Variants in DSG2 observed in about 807,000 individuals in gnomAD.
DSG2 encodes desmoglein-2.
In DSG2, 45 loss-of-function variants were observed where a neutral mutation model predicts 75.6. The ratio of observed to expected loss-of-function variants is 0.60; its 90% CI spans 0.47 to 0.76. DSG2 has a LOEUF of 0.76. Ranked by LOEUF, DSG2 falls within the 30% of genes least tolerant of loss-of-function variation. DSG2 has a pLI of 0.00. For synonymous variants in DSG2, 429 were observed against 483.9 expected (o/e 0.89, Z 1.49); for missense variants, 1,267 against 1,357.4 (o/e 0.93, Z 1.05).
At chr18:31,528,709 CAA>C (rs561370463) in intron 8 of DSG2, among the ~76,000 whole-genome samples, 23 of 74,772 alleles carry the variant, frequency 3.1e-4, no homozygotes, top group Admixed American at 3.1e-4. Flanking sequence ...GACTCCATCT[CAA>C]AAAAAAAAAA....
At chr18:31,500,633 G>A (rs2073008952) in intron 1 of DSG2, among the ~76,000 whole-genome samples, 1 of 152,060 alleles carries the variant, frequency 6.6e-6, no homozygotes, top group African/African-American at 2.4e-5. Context: ...CATTCAGAAC[G>A]AAGCCTGCAG....
At position 31,546,880 on chromosome 18, in the gene DSG2, C is replaced by G; in HGVS notation, c.*137C>G. 1.1e-6 allele frequency: 1 copy of G among 914,524 alleles called. No individual in the cohort carries two copies. The highest frequency in any genetic ancestry group is 1.8e-6 in the Non-Finnish European group (1 of 564,570). 56.7% of individuals were successfully genotyped at this position (914,524 alleles called of 1,614,324 possible). A position where few individuals can be genotyped will look rare whatever the true frequency, so the allele number is the denominator to read the frequency against. Reference sequence around the variant, plus strand: ...TTGATCTTAAAATTTTTCTCAGTCACTGATATGCAAAGGACCACACTGTCT... The same window carrying G: ...TTGATCTTAAAATTTTTCTCAGTCAGTGATATGCAAAGGACCACACTGTCT... On this transcript the variant is annotated 3_prime_UTR_variant, in exon 15 of 15. Coordinates refer to ENST00000261590, the MANE Select transcript of DSG2 (RefSeq NM_001943.5).
intron 1 of DSG2, among the ~76,000 whole-genome samples, chr18:31,503,519 C>T (rs1203801838): frequency 6.6e-6 from 1 of 152,096 alleles, no homozygotes; most frequent in Non-Finnish European, 1.5e-5. Context: ...GCCTTCAAGC[C>T]AACAGAAGCC....
At position 31,519,906 on chromosome 18, in the gene DSG2, AGG is replaced by A. The variant is rs1568104866; in HGVS notation, c.186_187del (p.Asp63SerfsTer13). 6.2e-7 allele frequency: 1 copy of A among 1,614,134 alleles called. No homozygotes were observed. On this transcript the variant is annotated frameshift_variant, in exon 3 of 15. Transcript: ENST00000261590. LOFTEE classifies it high-confidence loss of function. Reference sequence around the variant, plus strand: ...GCCCCCGTGGCTCTTCGGGAGGGAGAGGATCTGTCCAAGAAGAATCCAATTGC... The same window carrying A: ...GCCCCCGTGGCTCTTCGGGAGGGAGAATCTGTCCAAGAAGAATCCAATTGC...
At position 31,546,956 on chromosome 18, in the gene DSG2, A is replaced by G. The variant is rs1376729588; in HGVS notation, c.*213A>G. The G allele has an allele frequency of 3.1e-6, 2 of 636,936 alleles. No homozygotes were observed. Among genetic ancestry groups the G allele is most frequent in the African/African-American group, 3.6e-5 (2 of 55,258 alleles). 39.5% of individuals were successfully genotyped at this position (636,936 alleles called of 1,614,324 possible). A position where few individuals can be genotyped will look rare whatever the true frequency, so the allele number is the denominator to read the frequency against. On this transcript the variant is annotated 3_prime_UTR_variant, in exon 15 of 15. Transcript: ENST00000261590. ...GTTCCACAATTTACTGAAGACATAG[A>G]GATGATGCTGCTGCTTAGGTGCCTT...
In DSG2 at chr18:31,542,381, C is replaced by G. The variant is rs2073273748; in HGVS notation, c.2002-139C>G. The G allele has an allele frequency of 3.6e-6, 3 of 837,940 alleles. No homozygotes were observed. In the East Asian group the frequency reaches 7.6e-5, roughly 21 times the overall value. The allele number at this position is 837,940 out of a possible 1,614,324, so 51.9% of individuals were successfully genotyped here. A position where few individuals can be genotyped will look rare whatever the true frequency, so the allele number is the denominator to read the frequency against. Reference sequence around the variant, plus strand: ...CATAAGACTTACATAAGTTATTCAACTCAAAATACTTTTTCTAACTGGCCT... The same window carrying G: ...CATAAGACTTACATAAGTTATTCAAGTCAAAATACTTTTTCTAACTGGCCT... On this transcript the variant is annotated intron_variant, in intron 13 of 14. Transcript: ENST00000261590.
chr18:31,536,745 A>G (rs934586435), intron 11 of DSG2, among the ~76,000 whole-genome samples: 1 of 152,242 alleles, frequency 6.6e-6, no homozygotes, highest in Non-Finnish European at 1.5e-5. Flanking sequence ...AAAATCTTGT[A>G]GTAACAGTAA....
At chr18:31,529,266 A>G (rs553076454) in intron 8 of DSG2, among the ~76,000 whole-genome samples, 4 of 152,208 alleles carry the variant, frequency 2.6e-5, no homozygotes, top group Non-Finnish European at 5.9e-5. Context: ...GCTTTGGAGC[A>G]TTATGGCTAT....
chr18:31,502,392 A>G (rs1443290937), intron 1 of DSG2, among the ~76,000 whole-genome samples: 1 of 152,260 alleles, frequency 6.6e-6, no homozygotes, highest in Non-Finnish European at 1.5e-5. Context: ...AAAAATTTAC[A>G]TGGGAAAAAT....
intron 1 of DSG2, among the ~76,000 whole-genome samples, chr18:31,505,646 A>ATTTTTTTTTCTTTTTT (rs1285449702): frequency 3.4e-5 from 5 of 145,842 alleles, no homozygotes; most frequent in African/African-American, 7.7e-5. Flanking sequence ...TTAAGTAGTA[A>ATTTTTTTTTCTTTTTT]TTTTTTTTTC....
chr18:31,546,809 AC>A lies in DSG2; in HGVS notation c.*68del. 6.5e-7 allele frequency: 1 copy of A among 1,545,930 alleles called. No individual in the cohort carries two copies. Among genetic ancestry groups the A allele is most frequent in the Non-Finnish European group, 8.9e-7 (1 of 1,118,558 alleles). On this transcript the variant is annotated 3_prime_UTR_variant, in exon 15 of 15. Transcript: ENST00000261590. The stretch of plus-strand genomic sequence containing the variant: ...GTGACTAATTTCATGTTTCCAATGT[AC>A]CTGATTTTTCATGAGCCTTACAGAC...
Position 31,546,140 on chromosome 18 carries a change from A to C in DSG2, c.2754A>C (p.Gln918His). The C allele has an allele frequency of 6.2e-7, 1 of 1,614,202 alleles. No individual in the cohort carries two copies. Among genetic ancestry groups the C allele is most frequent in the African/African-American group, 1.3e-5 (1 of 75,044 alleles). Residue 918 changes from glutamine to histidine, a missense_variant, in exon 15 of 15, where the codon CAA (glutamine) becomes CAC (histidine). Transcript: ENST00000261590. ...TERSVSSRQA[Q>H]KVATPLPDPM... ...GATCTGTGTCTTCTAGGCAGGCGCA[A>C]AAGGTAGCTACACCTCTTCCTGACC... is the stretch of plus-strand genomic sequence containing the variant.
intron 13 of DSG2, 118 bp downstream of exon 13, chr18:31,541,432 T>C (rs924020002): frequency 2.3e-5 from 30 of 1,314,228 alleles, no homozygotes; most frequent in Non-Finnish European, 3.2e-5. Flanking sequence ...ATTTCACTCA[T>C]GTGCCTTTGT....
At chr18:31,520,714 G>T in intron 3 of DSG2, 89 bp from the exon 4 acceptor site, 2 of 1,360,820 alleles carry the variant, frequency 1.5e-6, no homozygotes, top group East Asian at 4.7e-5. Flanking sequence ...GTAAATTATA[G>T]AGAATCACTT....
intron 14 of DSG2, 28 bp downstream of exon 14, chr18:31,542,880 TG>T: frequency 3.4e-5 from 11 of 327,288 alleles, no homozygotes; most frequent in Admixed American, 6.3e-5. Flanking sequence ...GTATTGGTGG[TG>T]GGGGGTGGGG....
At chr18:31,525,939 G>A (rs752390548) in intron 8 of DSG2, among the ~76,000 whole-genome samples, 1 of 152,002 alleles carries the variant, frequency 6.6e-6, no homozygotes, top group Non-Finnish European at 1.5e-5. Flanking sequence ...TCAGGAGTTC[G>A]AGACCAGCCT....
intron 11 of DSG2, among the ~76,000 whole-genome samples, chr18:31,538,513 T>C (rs2073245867): frequency 1.3e-5 from 2 of 152,180 alleles, no homozygotes; most frequent in Admixed American, 1.3e-4. Flanking sequence ...CCCACACACA[T>C]TGGTTACAGC....
At chr18:31,514,572 C>G (rs193164790) in intron 1 of DSG2, among the ~76,000 whole-genome samples, 2 of 152,260 alleles carry the variant, frequency 1.3e-5, no homozygotes, top group Admixed American at 1.3e-4. Flanking sequence ...CCTAAACAAA[C>G]AAATGATATT....
chr18:31,514,069 C>T (rs532043993), intron 1 of DSG2, among the ~76,000 whole-genome samples: 2 of 152,124 alleles, frequency 1.3e-5, no homozygotes, highest in Non-Finnish European at 1.5e-5. Context: ...AATGTGGAAT[C>T]GTAGATTGGA....
Sources: allele counts gnomAD v4.1 joint callset (sites outside exome capture counted in the v4.1 genomes callset), GRCh38; gene constraint gnomAD v4.1.1; transcripts MANE v1.5; gene names NCBI Gene and HGNC (gene_info 2026-07-23, HGNC 2026-07-21).